Variants in B3GALT1 observed in about 807,000 individuals in gnomAD.
The protein encoded by B3GALT1 is UDP-Gal:betaGlcNAc beta 1,3-galactosyltransferase, polypeptide 1.
A neutral mutation model predicts 23.2 loss-of-function variants in B3GALT1; 10 were observed. That is an observed-to-expected ratio of 0.43 (90% CI 0.27 to 0.73). The LOEUF is 0.73. Among genes scored for constraint, B3GALT1 ranks in the 30% least tolerant of loss-of-function variants. B3GALT1 has a pLI of 0.21. For synonymous variants in B3GALT1, 156 were observed against 141.5 expected (o/e 1.10, Z -0.73); for missense variants, 299 against 405.4 (o/e 0.74, Z 2.25).
intron 2 of B3GALT1, among the ~76,000 whole-genome samples, chr2:167,577,232 C>T (rs1223076636): frequency 6.6e-6 from 1 of 151,826 alleles, no homozygotes; most frequent in African/African-American, 2.4e-5. Context: ...CCACTTTCTG[C>T]ACCCTACTCA....
At chr2:167,451,004 A>T (rs1014965428) in intron 1 of B3GALT1, among the ~76,000 whole-genome samples, 1 of 151,896 alleles carries the variant, frequency 6.6e-6, no homozygotes, top group Non-Finnish European at 1.5e-5. Flanking sequence ...TTTCCAGAAC[A>T]TTTTGCATTT....
intron 3 of B3GALT1, among the ~76,000 whole-genome samples, chr2:167,695,842 C>CA (rs1441294843): frequency 7.9e-5 from 12 of 152,182 alleles, no homozygotes; most frequent in African/African-American, 2.4e-4. Flanking sequence ...CAGCTTTCAT[C>CA]TCATGACCTA....
intron 2 of B3GALT1, among the ~76,000 whole-genome samples, chr2:167,570,260 T>G (rs1295528327): frequency 1.3e-5 from 2 of 151,916 alleles, no homozygotes; most frequent in African/African-American, 4.8e-5. Flanking sequence ...CTTAAATGTT[T>G]GGTAGAATTC....
intron 1 of B3GALT1, among the ~76,000 whole-genome samples, chr2:167,405,070 G>A (rs1021274333): frequency 2.0e-5 from 3 of 152,136 alleles, no homozygotes; most frequent in Non-Finnish European, 1.5e-5. Flanking sequence ...GGAAGGATGG[G>A]CCTTTGAGTT....
intron 3 of B3GALT1, among the ~76,000 whole-genome samples, chr2:167,680,321 G>A (rs929615873): frequency 1.3e-5 from 2 of 152,062 alleles, no homozygotes; most frequent in African/African-American, 2.4e-5. Context: ...AAGCTGATAC[G>A]TAAAAAGTCA....
chr2:167,567,690 C>A (rs1239213675), intron 2 of B3GALT1, among the ~76,000 whole-genome samples: 1 of 152,054 alleles, frequency 6.6e-6, no homozygotes. Flanking sequence ...ACATCCCCCA[C>A]CAGAATGGCA....
chr2:167,605,842 C>A (rs1424562045), intron 2 of B3GALT1, among the ~76,000 whole-genome samples: 1 of 152,152 alleles, frequency 6.6e-6, no homozygotes, highest in East Asian at 1.9e-4. Context: ...AATTAAGAAA[C>A]TTGATGCTCA....
At chr2:167,327,116 ATG>A (rs1696908393) in intron 1 of B3GALT1, among the ~76,000 whole-genome samples, 1 of 152,042 alleles carries the variant, frequency 6.6e-6, no homozygotes, top group Admixed American at 6.5e-5. Flanking sequence ...ATTGATCTAT[ATG>A]TTTAATTTTA....
chr2:167,335,210 G>A (rs141749465), intron 1 of B3GALT1, among the ~76,000 whole-genome samples: 8 of 151,542 alleles, frequency 5.3e-5, no homozygotes, highest in Non-Finnish European at 1.0e-4. Context: ...TGGGCGGGGA[G>A]GGGGGAGCGG....
chr2:167,739,630 C>T (rs778243544), intron 3 of B3GALT1, among the ~76,000 whole-genome samples: 2 of 152,044 alleles, frequency 1.3e-5, no homozygotes, highest in Non-Finnish European at 1.5e-5. Context: ...CTTTTCTCTA[C>T]CTAACGTATT....
At chr2:167,781,362 C>T (rs972717944) in intron 3 of B3GALT1, among the ~76,000 whole-genome samples, 4 of 152,110 alleles carry the variant, frequency 2.6e-5, no homozygotes, top group African/African-American at 9.7e-5. Context: ...TCCTCTCTTC[C>T]CTGGCAAAAT....
Position 167,737,950 on chromosome 2 carries a change from C to G in B3GALT1, c.-351-80722C>G, listed in dbSNP as rs138141182. On this transcript the variant is annotated intron_variant, in intron 3 of 4. Coordinates refer to ENST00000392690, the MANE Select transcript of B3GALT1 (RefSeq NM_020981.4). ...TGATTGATTAAACTAGATGCCTTTC[C>G]CGGACCTGAGAGCCGTAAACTGACA... is the stretch of plus-strand genomic sequence containing the variant. Among the ~76,000 whole-genome samples, 985 of 152,226 alleles carry G rather than the reference C, an allele frequency of 6.5e-3. 51 individuals are homozygous for G. The highest frequency in any genetic ancestry group is 0.058 in the Admixed American group (891 of 15,284).
intron 3 of B3GALT1, among the ~76,000 whole-genome samples, chr2:167,818,413 C>CATTG (rs1689039590): frequency 6.6e-6 from 1 of 152,126 alleles, no homozygotes; most frequent in African/African-American, 2.4e-5. Flanking sequence ...TCTGCTGGCT[C>CATTG]ATTGATACCA....
intron 3 of B3GALT1, among the ~76,000 whole-genome samples, chr2:167,658,404 T>C (rs1685993840): frequency 6.6e-6 from 1 of 151,964 alleles, no homozygotes; most frequent in African/African-American, 2.4e-5. Context: ...TTTAGAAAAT[T>C]AAAAGAGATT....
intron 3 of B3GALT1, among the ~76,000 whole-genome samples, chr2:167,679,491 T>C (rs1686490886): frequency 6.6e-6 from 1 of 152,280 alleles, no homozygotes; most frequent in African/African-American, 2.4e-5. Flanking sequence ...TGACCTCAGG[T>C]GATCCGCCCA....
At chr2:167,730,372 C>G (rs1454841516) in intron 3 of B3GALT1, among the ~76,000 whole-genome samples, 1 of 152,160 alleles carries the variant, frequency 6.6e-6, no homozygotes, top group Non-Finnish European at 1.5e-5. Flanking sequence ...ACTTCACTAG[C>G]AAAGTGTTGT....
intron 1 of B3GALT1, among the ~76,000 whole-genome samples, chr2:167,399,319 G>A (rs938246173): frequency 1.3e-5 from 2 of 152,082 alleles, no homozygotes; most frequent in African/African-American, 2.4e-5. Context: ...TTAGAGCTCA[G>A]AATAGTTGTT....
intron 1 of B3GALT1, among the ~76,000 whole-genome samples, chr2:167,354,779 C>G (rs1297794640): frequency 6.6e-6 from 1 of 152,200 alleles, no homozygotes; most frequent in Non-Finnish European, 1.5e-5. Flanking sequence ...ATATTCCATA[C>G]AAGTTATTCC....
chr2:167,829,783 T>C (rs138073193), intron 4 of B3GALT1, among the ~76,000 whole-genome samples: 26 of 152,198 alleles, frequency 1.7e-4, no homozygotes, highest in African/African-American at 6.0e-4. Context: ...TCTGGGAGAA[T>C]AGTCCTCTGA....
Sources: allele counts gnomAD v4.1 joint callset (sites outside exome capture counted in the v4.1 genomes callset), GRCh38; gene constraint gnomAD v4.1.1; transcripts MANE v1.5; gene names NCBI Gene and HGNC (gene_info 2026-07-23, HGNC 2026-07-21).